The following ZNF615 variants were observed in gnomAD, a reference collection of about 807,000 sequenced individuals.
ZNF615 encodes the protein zinc finger protein 615.
ZNF615 carries 15 observed loss-of-function variants against 15.3 expected under a neutral mutation model. The ratio of observed to expected loss-of-function variants is 0.98; its 90% confidence interval spans 0.66 to 1.51. ZNF615 has a LOEUF of 1.51. ZNF615 is among the 40% of genes most tolerant of loss of function. The pLI is 0.00. For missense variants in ZNF615, 848 were observed against 895.9 expected (o/e 0.95, Z 0.68); for synonymous variants, 268 against 294.6 (o/e 0.91, Z 0.92).
chr19:51,992,938 C>T lies in ZNF615; in HGVS notation c.2171G>A (p.Cys724Tyr). The stretch of plus-strand genomic sequence containing the variant: ...AGACAAGTGCGCAAAAGCTTTCCCA[C>T]AATCACTACATCCATAGGGCCTCTC... ...TGERPYGCSD[C>Y]GKAFAHLSIL... The change falls in exon 7 of 7, where the codon TGT becomes TAT. Residue 724 changes from cysteine (C) to tyrosine (Y), a missense_variant. Transcript: ENST00000598071. The T allele has an allele frequency of 1.2e-6, 2 of 1,614,196 alleles. No individual in the cohort carries two copies. The highest frequency in any genetic ancestry group is 1.1e-5 in the South Asian group (1 of 91,086).
In ZNF615 at chr19:51,993,754, C is replaced by G. The variant is rs780948323; in HGVS notation, c.1355G>C (p.Ser452Thr). Residue 452 changes from serine (S) to threonine (T), a missense_variant, in exon 7 of 7, where the codon AGC (serine) becomes ACC (threonine). Ser to Thr is a moderately conservative substitution (Grantham distance 58). Transcript: ENST00000598071. ...TGTTCGCTGATGTCTGATGAGTGGG[C>G]TCTTCAAAGCGAAGCCCTTTCCACA... ...NECGKGFALKSPLIRHQRTHT... is the reference protein window; with the variant it reads ...NECGKGFALKTPLIRHQRTHT... 20 of 1,613,864 alleles carry G rather than the reference C, an allele frequency of 1.2e-5. No individual in the cohort carries two copies. The South Asian group carries it at 1.8e-4, about 14-fold the overall frequency.
intron 1 of ZNF615, chr19:52,007,875 G>C: frequency 2.2e-6 from 1 of 451,590 alleles, no homozygotes; most frequent in Non-Finnish European, 4.0e-6. Context: ...GATCTCTAGA[G>C]ATCTTTAACC....
Position 51,993,319 on chromosome 19 carries a change from T to C in ZNF615, c.1790A>G (p.His597Arg). ...GLTGKSMLIAHQRTHTGEKPY... is the reference protein window; with the variant it reads ...GLTGKSMLIARQRTHTGEKPY... ...TTTCTCCCCAGTATGAGTTCGCTGA[T>C]GTGCAATGAGCATGCTTTTCCCAGT... Residue 597 changes from histidine (H) to arginine (R), a missense_variant, in exon 7 of 7, where the codon CAT becomes CGT. By Grantham distance (29) the His-to-Arg change is conservative. Coordinates refer to ENST00000598071, the MANE Select transcript of ZNF615 (RefSeq NM_001199324.2). 4.3e-6 allele frequency: 7 copies of C among 1,614,186 alleles called. No individual in the cohort carries two copies. Among genetic ancestry groups the C allele is most frequent in the Non-Finnish European group, 5.1e-6 (6 of 1,180,022 alleles).
chr19:52,005,465 T>A (rs2123087308), intron 2 of ZNF615, among the ~76,000 whole-genome samples: 1 of 152,348 alleles, frequency 6.6e-6, no homozygotes, highest in African/African-American at 2.4e-5. Context: ...GTCTATGGTT[T>A]CCGTGGCAGC....
At chr19:51,996,385 CAA>C (rs1172310589) in intron 6 of ZNF615, among the ~76,000 whole-genome samples, 5 of 33,312 alleles carry the variant, frequency 1.5e-4, no homozygotes, top group African/African-American at 6.0e-4. Flanking sequence ...GACTCTGTCT[CAA>C]AAAAAAAAAA....
At chr19:52,002,833 G>GCTTGTT (rs542366826) in intron 3 of ZNF615, among the ~76,000 whole-genome samples, 2 of 147,244 alleles carry the variant, frequency 1.4e-5, no homozygotes, top group African/African-American at 5.0e-5. Flanking sequence ...TTGCTTGCTT[G>GCTTGTT]TTTTTTTTTT....
chr19:51,993,576 A>T lies in ZNF615; in HGVS notation c.1533T>A (p.Ile511=). ...CTCCAGTATGAGTTCGCTGATGCAC[A>T]ATAAGGCGGCTCTTCACAGTGAAGC... The part of the protein sequence containing the change: ...GKGFTVKSRL[I]VHQRTHTGEK... The change falls in exon 7 of 7, where the codon ATT becomes ATA. Residue 511 remains isoleucine (I), a synonymous_variant. Coordinates refer to ENST00000598071, the MANE Select transcript of ZNF615 (RefSeq NM_001199324.2). The T allele has an allele frequency of 6.2e-7, 1 of 1,613,866 alleles. No individual in the cohort carries two copies. The highest frequency in any genetic ancestry group is 1.1e-5 in the South Asian group (1 of 91,058).
chr19:52,007,863 C>T (rs929756589), intron 1 of ZNF615: 4 of 421,830 alleles, frequency 9.5e-6, no homozygotes, highest in East Asian at 3.8e-5. Context: ...CACTCAGTAG[C>T]GGATCTCTAG....
rs371128155 is a variant in ZNF615 at position 52,002,191 on chromosome 19, C to T, written c.106G>A (p.Val36Met). ...SPAQKDLYRD[V>M]MLENYSNLVA... ...AGGTTGCTGTAGTTCTCCAACATCA[C>T]GTCCCGGTACAGGTCCTTCTGAGCA... is the stretch of plus-strand genomic sequence containing the variant. Residue 36 changes from valine to methionine, a missense_variant, in exon 4 of 7, where the codon GTG (valine) becomes ATG (methionine). Val to Met is a conservative substitution (Grantham distance 21). Coordinates refer to ENST00000598071, the MANE Select transcript of ZNF615 (RefSeq NM_001199324.2). The T allele has an allele frequency of 3.0e-5, 49 of 1,614,084 alleles. 1 individual carries two copies. The highest frequency in any genetic ancestry group is 1.6e-4 in the South Asian group (15 of 91,092).
Position 51,993,665 on chromosome 19 carries a change from G to C in ZNF615, c.1444C>G (p.Leu482Val). The change falls in exon 7 of 7, where the codon CTC (leucine) becomes GTC (valine). Residue 482 changes from leucine to valine, a missense_variant. Physicochemically the swap from Leu to Val is conservative, Grantham distance 32. Coordinates refer to ENST00000598071, the MANE Select transcript of ZNF615 (RefSeq NM_001199324.2). ...CRKGFTMKSD[L>V]IVHQRTHTAE... ...GTATGAGTTCGCTGATGTACAATGA[G>C]GTCACTCTTCATGGTGAAACCTTTT... 6.2e-7 allele frequency: 1 copy of C among 1,614,018 alleles called. No homozygotes were observed. The highest frequency in any genetic ancestry group is 8.5e-7 in the Non-Finnish European group (1 of 1,179,986).
intron 6 of ZNF615, among the ~76,000 whole-genome samples, 156 bp from the exon 7 acceptor site, chr19:51,994,993 C>T (rs576190407): frequency 6.6e-6 from 1 of 152,246 alleles, no homozygotes; most frequent in East Asian, 1.9e-4. Context: ...TTTTTAATCA[C>T]CTGGGTGCAG....
At chr19:51,996,402 A>AAAAAAAAAAAAAAAAAAAAAAAC (rs1555771241) in intron 6 of ZNF615, among the ~76,000 whole-genome samples, 4 of 134,316 alleles carry the variant, frequency 3.0e-5, no homozygotes, top group African/African-American at 8.6e-5. Flanking sequence ...AAAAAAAAAA[A>AAAAAAAAAAAAAAAAAAAAAAAC]AAAAAACGCA....
chr19:52,004,557 TA>T (rs1313674289), intron 2 of ZNF615: 1 of 152,070 alleles, frequency 6.6e-6, no homozygotes, highest in African/African-American at 2.4e-5. Context: ...CATGCGCTGC[TA>T]ATTTTTGTAC....
At chr19:52,007,161 T>C in intron 2 of ZNF615, 132 bp downstream of exon 2, 2 of 474,826 alleles carry the variant, frequency 4.2e-6, no homozygotes, top group South Asian at 2.0e-5. Context: ...TTACATAATA[T>C]AAAGCGAAAA....
chr19:51,997,216 G>A (rs537492386), intron 6 of ZNF615, among the ~76,000 whole-genome samples: 4 of 152,044 alleles, frequency 2.6e-5, no homozygotes, highest in Admixed American at 6.6e-5. Context: ...AAAGTGGGAG[G>A]ATCACTTGAG....
At chr19:51,994,929 ACT>A (rs1320960755) in intron 6 of ZNF615, 92 bp from the exon 7 acceptor site, 9 of 1,201,084 alleles carry the variant, frequency 7.5e-6, no homozygotes. Context: ...GTGTGAGGTG[ACT>A]CTTTAGTGAA....
chr19:51,992,780 G>T lies in ZNF615; in HGVS notation c.*100C>A. ...CTCTGACACAAAACATGAAGTAACT[G>T]ATCACTAAATAAACAACCATGTAGT... On this transcript the variant is annotated 3_prime_UTR_variant, in exon 7 of 7. Coordinates refer to ENST00000598071, the MANE Select transcript of ZNF615 (RefSeq NM_001199324.2). The T allele has an allele frequency of 7.6e-7, 1 of 1,313,476 alleles. No homozygotes were observed. The highest frequency in any genetic ancestry group is 1.5e-5 in the South Asian group (1 of 66,208). The allele number at this position is 1,313,476 out of a possible 1,614,324, so 81.4% of individuals were successfully genotyped here. A position where few individuals can be genotyped will look rare whatever the true frequency, so the allele number is the denominator to read the frequency against.
chr19:51,995,571 T>C (rs1448579854), intron 6 of ZNF615, among the ~76,000 whole-genome samples: 2 of 150,754 alleles, frequency 1.3e-5, no homozygotes, highest in Non-Finnish European at 3.0e-5. Flanking sequence ...TTCCTTTTTT[T>C]TTTTTTTTTT....
intron 6 of ZNF615, 87 bp downstream of exon 6, chr19:52,000,259 C>A (rs2086552734): frequency 3.9e-6 from 2 of 510,274 alleles, no homozygotes; most frequent in Middle Eastern, 2.8e-4. Flanking sequence ...GAAGAACCAC[C>A]TATTTGGTAC....
Sources: gnomAD v4.1 joint callset for allele counts (sites outside exome capture counted in the v4.1 genomes callset) on GRCh38, gnomAD v4.1.1 for gene constraint, MANE v1.5 for transcripts, NCBI Gene and HGNC (gene_info 2026-07-23, HGNC 2026-07-21) for gene names.